Variants in DNAJB14 observed in about 807,000 individuals in gnomAD.
The protein encoded by DNAJB14 is DnaJ heat shock protein family (Hsp40) member B14.
A neutral mutation model predicts 48.4 loss-of-function variants in DNAJB14; 22 were observed. The ratio of observed to expected loss-of-function variants is 0.45; its 90% CI spans 0.32 to 0.65. The LOEUF is 0.65. Among genes scored for constraint, DNAJB14 ranks in the 30% least tolerant of loss-of-function variants. The pLI is 0.03. For missense variants in DNAJB14, 319 were observed against 458.8 expected, an observed-to-expected ratio of 0.70 and a Z score of 2.78; for synonymous variants, 142 against 158.7, an observed-to-expected ratio of 0.89 and a Z score of 0.79.
At chr4:99,934,156 C>CA (rs988257358) in intron 1 of DNAJB14, among the ~76,000 whole-genome samples, 22 of 150,752 alleles carry the variant, frequency 1.5e-4, no homozygotes, top group Admixed American at 7.9e-4. Context: ...ACAGGGAAAA[C>CA]AAAAAAAATG....
In DNAJB14 at chr4:99,946,500, G is replaced by A. The variant is rs1414148262; in HGVS notation, c.72C>T (p.Arg24=). ...TCTGCAGGAAGCGCTGGGCCTTCTC[G>A]CGGTTGCCGGCGTTCAGGGCCTCCC... ...IAREALNAGN[R]EKAQRFLQKA... Residue 24 remains arginine (R), a synonymous_variant, in exon 1 of 8, where the codon CGC becomes CGT. Coordinates refer to ENST00000442697, the MANE Select transcript of DNAJB14 (RefSeq NM_001031723.4). 1 of 1,613,854 alleles carries A rather than the reference G, an allele frequency of 6.2e-7. No homozygotes were observed. Among genetic ancestry groups the A allele is most frequent in the Non-Finnish European group, 8.5e-7 (1 of 1,179,814 alleles).
chr4:99,918,689 G>A (rs1006435526), intron 3 of DNAJB14, among the ~76,000 whole-genome samples: 1 of 152,154 alleles, frequency 6.6e-6, no homozygotes, highest in African/African-American at 2.4e-5. Context: ...GGGAACATCA[G>A]GCCTCCACTT....
At position 99,897,743 on chromosome 4, in the gene DNAJB14, GA is replaced by G. The variant is rs1428764096; in HGVS notation, c.*3284del. 2 of 151,932 alleles carry G rather than the reference GA, an allele frequency of 1.3e-5. No individual in the cohort carries two copies. The highest frequency in any genetic ancestry group is 2.9e-5 in the Non-Finnish European group (2 of 67,846). The allele number at this position is 151,932 out of a possible 1,614,324, so 9.4% of individuals were successfully genotyped here. Reference sequence around the variant, plus strand: ...TTCATTAGTTTTTCTGTTCAGATAAGAAAAAAGATTATGAATTCCCTTTCAG... The same window carrying G: ...TTCATTAGTTTTTCTGTTCAGATAAGAAAAAGATTATGAATTCCCTTTCAG... On this transcript the variant is annotated 3_prime_UTR_variant, in exon 8 of 8. Coordinates refer to ENST00000442697, the MANE Select transcript of DNAJB14 (RefSeq NM_001031723.4).
chr4:99,939,845 T>G (rs1255173245), intron 1 of DNAJB14, among the ~76,000 whole-genome samples: 1 of 152,256 alleles, frequency 6.6e-6, no homozygotes, highest in East Asian at 1.9e-4. Flanking sequence ...ACATTGGATC[T>G]TTTGGATTTA....
Position 99,903,585 on chromosome 4 carries a change from A to G in DNAJB14, c.1015+141T>C, listed in dbSNP as rs1441300273. ...TCCGATGTTAGGCCACATGTATATA[A>G]AACACATGATCTCATTTAAGTACTG... On this transcript the variant is annotated intron_variant, in intron 7 of 7. Transcript: ENST00000442697. The G allele has an allele frequency of 3.6e-6, 3 of 844,784 alleles. No homozygotes were observed. The African/African-American group carries it at 5.2e-5, about 15-fold the overall frequency. 52.3% of individuals were successfully genotyped at this position (844,784 alleles called of 1,614,324 possible).
chr4:99,927,358 C>T (rs1726294434), intron 2 of DNAJB14: 1 of 152,050 alleles, frequency 6.6e-6, no homozygotes, highest in African/African-American at 2.4e-5. Flanking sequence ...TTTAAGGAAA[C>T]ATTTATTTAT....
At chr4:99,944,451 C>T (rs973956521) in intron 1 of DNAJB14, among the ~76,000 whole-genome samples, 6 of 152,064 alleles carry the variant, frequency 3.9e-5, no homozygotes, top group Non-Finnish European at 8.8e-5. Context: ...CAGCATTATT[C>T]ATAATAGCCA....
At chr4:99,917,244 G>A (rs991225925) in intron 3 of DNAJB14, among the ~76,000 whole-genome samples, 2 of 152,100 alleles carry the variant, frequency 1.3e-5, no homozygotes, top group African/African-American at 2.4e-5. Flanking sequence ...TTAGAAACTC[G>A]AGAAGCAAAA....
chr4:99,940,264 G>C (rs1726842000), intron 1 of DNAJB14, among the ~76,000 whole-genome samples: 1 of 152,058 alleles, frequency 6.6e-6, no homozygotes, highest in African/African-American at 2.4e-5. Context: ...GCTTTTATTT[G>C]TGTGATTATA....
At chr4:99,932,896 C>T (rs185325236) in intron 1 of DNAJB14, among the ~76,000 whole-genome samples, 6 of 152,196 alleles carry the variant, frequency 3.9e-5, no homozygotes, top group African/African-American at 4.8e-5. Context: ...GTATACTATA[C>T]GGTTCCGTTT....
intron 1 of DNAJB14, among the ~76,000 whole-genome samples, chr4:99,937,195 T>C (rs377633006): frequency 2.0e-4 from 30 of 152,012 alleles, no homozygotes; most frequent in Admixed American, 3.3e-4. Context: ...CAGGCGCTTA[T>C]AGTCCCAGCT....
At chr4:99,923,908 T>C (rs1485947825) in intron 2 of DNAJB14, 1 of 982,716 alleles carries the variant, frequency 1.0e-6, no homozygotes, top group African/African-American at 1.7e-5. Context: ...TGATAAAATA[T>C]AACACGTGAC....
chr4:99,924,735 TG>T (rs1391890321), intron 2 of DNAJB14: 11 of 1,610,538 alleles, frequency 6.8e-6, no homozygotes, highest in Non-Finnish European at 9.3e-6. Context: ...AAAAAGGAAA[TG>T]GGGGGCATTT....
At chr4:99,907,669 C>T (rs1725515891) in intron 4 of DNAJB14, among the ~76,000 whole-genome samples, 1 of 152,180 alleles carries the variant, frequency 6.6e-6, no homozygotes, top group Middle Eastern at 3.4e-3. Flanking sequence ...CAGAGCAAGA[C>T]CCTGTCTCTA....
rs534049565 is a variant in DNAJB14 at position 99,900,675 on chromosome 4, G to A, written c.*353C>T. 6.0e-6 allele frequency: 1 copy of A among 167,112 alleles called. No individual in the cohort carries two copies. The highest frequency in any genetic ancestry group is 2.4e-5 in the African/African-American group (1 of 42,040). The allele number at this position is 167,112 out of a possible 1,614,324, so 10.4% of individuals were successfully genotyped here. On this transcript the variant is annotated 3_prime_UTR_variant, in exon 8 of 8. Transcript: ENST00000442697. The stretch of plus-strand genomic sequence containing the variant: ...TAAATAAAAAAGCAGTAACCTGTAT[G>A]TACACAAAATGATCATTCCATAAAT...
intron 2 of DNAJB14, chr4:99,927,381 G>T (rs1380940244): frequency 6.6e-6 from 1 of 152,102 alleles, no homozygotes; most frequent in Non-Finnish European, 1.5e-5. Context: ...CTGAGAAAAA[G>T]AATTACTTAT....
chr4:99,925,478 A>C (rs1339764929), intron 2 of DNAJB14: 1 of 152,154 alleles, frequency 6.6e-6, no homozygotes, highest in East Asian at 1.9e-4. Context: ...TACACAAATT[A>C]TCTCATTTAC....
rs1383112091 is a variant in DNAJB14 at position 99,897,307 on chromosome 4, C to T, written c.*3721G>A. The T allele has an allele frequency of 1.2e-4, 18 of 151,274 alleles. No homozygotes were observed. The highest frequency in any genetic ancestry group is 7.2e-4 in the Admixed American group (11 of 15,196). The allele number at this position is 151,274 out of a possible 1,614,324, so 9.4% of individuals were successfully genotyped here. A position where few individuals can be genotyped will look rare whatever the true frequency, so the allele number is the denominator to read the frequency against. ...TAGTCATATTAAATGAAAAATATCA[C>T]ATACCAACAGGAAAAAGTTACACAT... On this transcript the variant is annotated 3_prime_UTR_variant, in exon 8 of 8. Coordinates refer to ENST00000442697, the MANE Select transcript of DNAJB14 (RefSeq NM_001031723.4).
rs1027867627 is a variant in DNAJB14 at position 99,930,489 on chromosome 4, C to T, written c.266G>A (p.Gly89Glu). ...KDSTSGSGEG[G>E]KGYTKDQVDG... ...TACTTGGTCTTTGGTATAGCCTTTT[C>T]CACCTTCACCACTACCAGATGTGCT... The change falls in exon 2 of 8, where the codon GGA becomes GAA. Residue 89 changes from glycine (G) to glutamate (E), a missense_variant. Physicochemically the swap from Gly to Glu is moderately conservative, Grantham distance 98 (BLOSUM62 -2). This residue lies in a region of DNAJB14 where 116 missense variants were observed against 134.6 expected (regional missense o/e 0.86). Coordinates refer to ENST00000442697, the MANE Select transcript of DNAJB14 (RefSeq NM_001031723.4). 6.2e-7 allele frequency: 1 copy of T among 1,608,294 alleles called. No homozygotes were observed. Among genetic ancestry groups the T allele is most frequent in the Non-Finnish European group, 8.5e-7 (1 of 1,177,078 alleles).
Sources: allele counts gnomAD v4.1 joint callset (sites outside exome capture counted in the v4.1 genomes callset), GRCh38; gene constraint gnomAD v4.1.1; regional missense constraint gnomAD v4.1.1; transcripts MANE v1.5; gene names NCBI Gene and HGNC (gene_info 2026-07-23, HGNC 2026-07-21).